JAM2: variants seen among roughly 807,000 people sequenced by gnomAD.
The protein encoded by JAM2 is junctional adhesion molecule B.
A neutral mutation model predicts 42.0 loss-of-function variants in JAM2; 17 were observed. That is an observed-to-expected ratio of 0.40 (90% CI 0.28 to 0.61). The LOEUF (loss-of-function observed/expected upper bound fraction) is 0.61. JAM2 is among the 20% of genes least tolerant of loss of function. The pLI is 0.37. For synonymous variants in JAM2, 118 were observed against 128.6 expected (o/e 0.92, Z 0.56); for missense variants, 319 against 358.3 (o/e 0.89, Z 0.89).
intron 4 of JAM2, among the ~76,000 whole-genome samples, chr21:25,695,289 G>A (rs1048696196): frequency 1.3e-5 from 2 of 152,162 alleles, no homozygotes; most frequent in African/African-American, 4.8e-5. Flanking sequence ...GAGAGCACGG[G>A]GTTGGGGGTA....
At chr21:25,702,137 C>A in intron 5 of JAM2, 33 bp from the exon 6 acceptor site, 1 of 1,218,654 alleles carries the variant, frequency 8.2e-7, no homozygotes, top group Non-Finnish European at 1.2e-6. Context: ...AGATCTATGG[C>A]TTAAAAAAAT....
intron 1 of JAM2, among the ~76,000 whole-genome samples, chr21:25,668,513 A>T (rs2033278220): frequency 6.6e-6 from 1 of 152,242 alleles, no homozygotes; most frequent in South Asian, 2.1e-4. Context: ...ATGGGCTGTG[A>T]TACGTGGGAT....
At chr21:25,640,710 C>CAA (rs1223830327) in intron 1 of JAM2, among the ~76,000 whole-genome samples, 26 of 152,366 alleles carry the variant, frequency 1.7e-4, no homozygotes, top group African/African-American at 6.0e-4. Flanking sequence ...TTACAATAGA[C>CAA]TAAGCAATGC....
At chr21:25,667,878 T>C (rs1431294759) in intron 1 of JAM2, among the ~76,000 whole-genome samples, 1 of 152,178 alleles carries the variant, frequency 6.6e-6, no homozygotes, top group Non-Finnish European at 1.5e-5. Context: ...TTTTCAATTG[T>C]ATATCGTTTG....
chr21:25,717,358 G>T lies in JAM2; in HGVS notation c.*2686G>T. 1 of 222,480 alleles carries T rather than the reference G, an allele frequency of 4.5e-6. No homozygotes were observed. Among genetic ancestry groups the T allele is most frequent in the African/African-American group, 2.3e-5 (1 of 43,898 alleles). 13.8% of individuals were successfully genotyped at this position (222,480 alleles called of 1,614,324 possible). ...TTATTTTCCTGCAGTGAATTGTGTT[G>T]TGTAAAGATTAGGGCTTTAAAATCT... On this transcript the variant is annotated 3_prime_UTR_variant, in exon 10 of 10. Coordinates refer to ENST00000480456, the MANE Select transcript of JAM2 (RefSeq NM_021219.4).
At chr21:25,651,094 ATCTGT>A (rs1018346112) in intron 1 of JAM2, among the ~76,000 whole-genome samples, 3 of 147,512 alleles carry the variant, frequency 2.0e-5, no homozygotes, top group African/African-American at 7.5e-5. Context: ...CAAAGTATGG[ATCTGT>A]TCTTCTGTAA....
chr21:25,670,975 A>G (rs1428051366), intron 1 of JAM2, among the ~76,000 whole-genome samples: 1 of 152,248 alleles, frequency 6.6e-6, no homozygotes, highest in Non-Finnish European at 1.5e-5. Flanking sequence ...ACTTGTGGTA[A>G]TAGAATTTAA....
intron 1 of JAM2, among the ~76,000 whole-genome samples, chr21:25,681,568 A>G (rs553854510): frequency 6.6e-6 from 1 of 152,346 alleles, no homozygotes; most frequent in African/African-American, 2.4e-5. Flanking sequence ...ACAGTTCAAG[A>G]TGAGATTTGA....
At chr21:25,714,186 T>C in intron 9 of JAM2, 1 of 1,302,442 alleles carries the variant, frequency 7.7e-7, no homozygotes, top group Non-Finnish European at 1.0e-6. Context: ...GTTAGTTAAT[T>C]CCCCATAAAA....
Position 25,704,452 on chromosome 21 carries a change from CAGA to C in JAM2, c.698-1524_698-1522del, listed in dbSNP as rs746312123. Among the ~76,000 whole-genome samples, 6 of 152,104 alleles carry C rather than the reference CAGA, an allele frequency of 3.9e-5. No individual in the cohort carries two copies. In the East Asian group the frequency reaches 5.8e-4, roughly 15 times the overall value. ...TGGCATTAGGAAAGAATTTCGAGACCAGAAGTTTTTATGATAAGCAGATTCACT... is the reference window on the plus strand; with the variant it reads ...TGGCATTAGGAAAGAATTTCGAGACCAGTTTTTATGATAAGCAGATTCACT... On this transcript the variant is annotated intron_variant, in intron 6 of 9. Transcript: ENST00000480456.
chr21:25,706,159 T>C, intron 7 of JAM2, 73 bp downstream of exon 7: 2 of 962,616 alleles, frequency 2.1e-6, no homozygotes, highest in Non-Finnish European at 1.7e-6. Context: ...ATACTGTTTC[T>C]CCTAGGAAGT....
chr21:25,660,770 A>ATTTTTTTTTTT (rs2033058794), intron 1 of JAM2, among the ~76,000 whole-genome samples: 1 of 56,742 alleles, frequency 1.8e-5, no homozygotes, highest in South Asian at 7.0e-4. Context: ...ATATATATAT[A>ATTTTTTTTTTT]TATATATATA....
At chr21:25,662,086 C>G (rs1052354489) in intron 1 of JAM2, among the ~76,000 whole-genome samples, 1 of 152,022 alleles carries the variant, frequency 6.6e-6, no homozygotes, top group Non-Finnish European at 1.5e-5. Context: ...TGCAAACAGG[C>G]TATAAACCTG....
intron 1 of JAM2, among the ~76,000 whole-genome samples, chr21:25,653,727 T>G (rs2032846049): frequency 6.6e-6 from 1 of 152,112 alleles, no homozygotes; most frequent in South Asian, 2.1e-4. Flanking sequence ...TGATGGGGAT[T>G]ATGGGGATTA....
At chr21:25,641,201 G>C (rs2032430085) in intron 1 of JAM2, among the ~76,000 whole-genome samples, 1 of 97,156 alleles carries the variant, frequency 1.0e-5, no homozygotes, top group African/African-American at 3.2e-5. Context: ...CAGAGAGGTA[G>C]GCTGGAGAAA....
At chr21:25,680,705 T>A (rs1601027230) in intron 1 of JAM2, among the ~76,000 whole-genome samples, 1 of 152,248 alleles carries the variant, frequency 6.6e-6, no homozygotes, top group East Asian at 1.9e-4. Context: ...TAAATGCTAG[T>A]TGGGTCAATG....
intron 2 of JAM2, among the ~76,000 whole-genome samples, chr21:25,685,761 G>A (rs776400415): frequency 6.6e-6 from 1 of 152,082 alleles, no homozygotes; most frequent in African/African-American, 2.4e-5. Context: ...AAACAGGGCT[G>A]GGTGAGATGC....
intron 8 of JAM2, chr21:25,709,662 G>A (rs1245276433): frequency 5.1e-6 from 2 of 391,872 alleles, no homozygotes; most frequent in African/African-American, 4.0e-5. Context: ...ATTGTAAAAA[G>A]AGGTTTAATT....
At chr21:25,710,392 A>G (rs1340421886) in intron 8 of JAM2, among the ~76,000 whole-genome samples, 1 of 152,198 alleles carries the variant, frequency 6.6e-6, no homozygotes, top group African/African-American at 2.4e-5. Flanking sequence ...AGGTAATACT[A>G]TATAGTATAT....
Sources: gnomAD v4.1 joint callset for allele counts (sites outside exome capture counted in the v4.1 genomes callset) on GRCh38, gnomAD v4.1.1 for gene constraint, MANE v1.5 for transcripts, NCBI Gene and HGNC (gene_info 2026-07-23, HGNC 2026-07-21) for gene names.